Variants in PPCDC observed in about 807,000 individuals in gnomAD.
The protein encoded by PPCDC is phosphopantothenoylcysteine decarboxylase.
Under a neutral mutation model 20.7 loss-of-function variants are expected in PPCDC, and 20 were observed. That is an observed-to-expected ratio of 0.97 (90% confidence interval 0.68 to 1.41). The LOEUF (loss-of-function observed/expected upper bound fraction) is 1.41. Ranked by LOEUF, PPCDC falls within the 40% of genes most tolerant of loss-of-function variation. PPCDC has a pLI of 0.00. For synonymous variants in PPCDC, 88 were observed against 100.3 expected (o/e 0.88, Z 0.73); for missense variants, 246 against 263.8 (o/e 0.93, Z 0.47).
Position 75,028,234 on chromosome 15 carries a change from G to C in PPCDC, c.-72-13G>C, listed in dbSNP as rs1053710479. 4.5e-6 allele frequency: 7 copies of C among 1,540,384 alleles called. No homozygotes were observed. Among genetic ancestry groups the C allele is most frequent in the Non-Finnish European group, 6.1e-6 (7 of 1,140,622 alleles). The stretch of plus-strand genomic sequence containing the variant: ...TGTATGAATGAAGGGGGTGGCCCTT[G>C]TTCTCCTTTTAGATCCTAAATCCCG... On this transcript the variant is annotated splice_polypyrimidine_tract_variant and intron_variant, in intron 1 of 5. Coordinates refer to ENST00000342932, the MANE Select transcript of PPCDC (RefSeq NM_021823.5).
intron 2 of PPCDC, among the ~76,000 whole-genome samples, chr15:75,032,732 C>CTCA (rs988445597): frequency 9.8e-5 from 13 of 132,102 alleles, no homozygotes; most frequent in Admixed American, 9.6e-4. Context: ...GGACCCCCCC[C>CTCA]CCCAAGGCCA....
In PPCDC at chr15:75,028,230, C is replaced by T. The variant is rs998928807; in HGVS notation, c.-72-17C>T. 7.9e-6 allele frequency: 12 copies of T among 1,525,092 alleles called. No homozygotes were observed. The highest frequency in any genetic ancestry group is 4.5e-5 in the East Asian group (2 of 44,186). The allele number at this position is 1,525,092 out of a possible 1,614,324, so 94.5% of individuals were successfully genotyped here. Reference sequence around the variant, plus strand: ...CGACTGTATGAATGAAGGGGGTGGCCCTTGTTCTCCTTTTAGATCCTAAAT... The same window carrying T: ...CGACTGTATGAATGAAGGGGGTGGCTCTTGTTCTCCTTTTAGATCCTAAAT... On this transcript the variant is annotated splice_polypyrimidine_tract_variant and intron_variant, in intron 1 of 5. Transcript: ENST00000342932.
chr15:75,040,167 C>T (rs527768516), intron 2 of PPCDC, among the ~76,000 whole-genome samples: 1 of 152,302 alleles, frequency 6.6e-6, no homozygotes, highest in South Asian at 2.1e-4. Context: ...ACTGCAGCCT[C>T]GACTTCCTGG....
intron 2 of PPCDC, among the ~76,000 whole-genome samples, chr15:75,037,279 G>A (rs1483107949): frequency 6.6e-6 from 1 of 152,176 alleles, no homozygotes; most frequent in African/African-American, 2.4e-5. Context: ...TAAGTGGAAG[G>A]GAGGACATGT....
intron 2 of PPCDC, among the ~76,000 whole-genome samples, chr15:75,029,814 A>T (rs1334627629): frequency 1.3e-5 from 2 of 152,006 alleles, no homozygotes; most frequent in Non-Finnish European, 2.9e-5. Context: ...GGAGCCATGC[A>T]GTTCCCTTTT....
chr15:75,024,950 GTCTC>G (rs758691079), intron 1 of PPCDC, among the ~76,000 whole-genome samples: 9 of 149,706 alleles, frequency 6.0e-5, no homozygotes, highest in Non-Finnish European at 1.2e-4. Context: ...TTTTGAAATG[GTCTC>G]TCTCTGTCAC....
In PPCDC at chr15:75,024,287, G is replaced by A. The variant is rs182604350; in HGVS notation, c.-73+661G>A. Among the ~76,000 whole-genome samples, 604 of 152,258 alleles carry A rather than the reference G, an allele frequency of 4.0e-3. 2 individuals carry two copies. The highest frequency in any genetic ancestry group is 6.0e-3 in the Non-Finnish European group (407 of 68,014). ...ATTCGCAGTCACTGCCTTTCTAGTA[G>A]CCCACGTGTGTGAGTGTGTGTGTTA... On this transcript the variant is annotated intron_variant, in intron 1 of 5. Coordinates refer to ENST00000342932, the MANE Select transcript of PPCDC (RefSeq NM_021823.5).
intron 2 of PPCDC, among the ~76,000 whole-genome samples, chr15:75,038,678 G>A (rs2066114139): frequency 6.6e-6 from 1 of 152,114 alleles, no homozygotes; most frequent in South Asian, 2.1e-4. Flanking sequence ...TGCCTTCTCC[G>A]ACCCCTGGAG....
intron 2 of PPCDC, among the ~76,000 whole-genome samples, chr15:75,033,520 TTTG>T (rs1337032502): frequency 3.3e-5 from 5 of 151,794 alleles, no homozygotes; most frequent in Non-Finnish European, 7.4e-5. Flanking sequence ...TGTGTGTTTT[TTTG>T]TTTGTTTGTT....
At chr15:75,033,102 C>T (rs2066043390) in intron 2 of PPCDC, among the ~76,000 whole-genome samples, 2 of 152,078 alleles carry the variant, frequency 1.3e-5, no homozygotes, top group Non-Finnish European at 2.9e-5. Context: ...TGTGCCTGGC[C>T]TGATTTTTAC....
At chr15:75,032,732 C>CCCCCT (rs1555413321) in intron 2 of PPCDC, among the ~76,000 whole-genome samples, 1 of 132,102 alleles carries the variant, frequency 7.6e-6, no homozygotes, top group Non-Finnish European at 1.6e-5. Flanking sequence ...GGACCCCCCC[C>CCCCCT]CCCAAGGCCA....
intron 4 of PPCDC, among the ~76,000 whole-genome samples, chr15:75,048,314 G>A (rs1417509377): frequency 6.6e-6 from 1 of 152,196 alleles, no homozygotes; most frequent in Admixed American, 6.5e-5. Flanking sequence ...CCTGCTGGAG[G>A]TCTGAGCGTT....
At chr15:75,048,402 C>A (rs1252035242) in intron 4 of PPCDC, 151 bp from the exon 5 acceptor site, 1 of 1,022,870 alleles carries the variant, frequency 9.8e-7, no homozygotes. Flanking sequence ...ACATAGCCCC[C>A]ACCCCTGAGG....
At chr15:75,032,726 C>CA (rs1287413467) in intron 2 of PPCDC, among the ~76,000 whole-genome samples, 1 of 117,752 alleles carries the variant, frequency 8.5e-6, no homozygotes, top group Non-Finnish European at 1.7e-5. Flanking sequence ...CAAACTGGAC[C>CA]CCCCCCCCCA....
chr15:75,043,555 G>A lies in PPCDC; in HGVS notation c.231+19G>A. On this transcript the variant is annotated intron_variant, in intron 3 of 5. Transcript: ENST00000342932. ...ATGGGAGGTCAGTGCTGGGGCCCCTGGGCTGAGTTCCATTGAGTTTCCACC... is the reference window on the plus strand; with the variant it reads ...ATGGGAGGTCAGTGCTGGGGCCCCTAGGCTGAGTTCCATTGAGTTTCCACC... 1 of 1,579,104 alleles carries A rather than the reference G, an allele frequency of 6.3e-7. No individual in the cohort carries two copies. Among genetic ancestry groups the A allele is most frequent in the Non-Finnish European group, 8.7e-7 (1 of 1,155,862 alleles).
chr15:75,024,552 A>G (rs887038918), intron 1 of PPCDC, among the ~76,000 whole-genome samples: 2 of 152,042 alleles, frequency 1.3e-5, no homozygotes, highest in Admixed American at 1.3e-4. Flanking sequence ...ACAGGGTCTC[A>G]CCATGTTGCC....
At chr15:75,036,160 G>A (rs748948427) in intron 2 of PPCDC, among the ~76,000 whole-genome samples, 5 of 152,104 alleles carry the variant, frequency 3.3e-5, no homozygotes, top group Non-Finnish European at 7.3e-5. Context: ...TTTCTGCCCT[G>A]CCAGGGCTCC....
At chr15:75,043,320 C>T in intron 2 of PPCDC, 121 bp from the exon 3 acceptor site, 1 of 774,852 alleles carries the variant, frequency 1.3e-6, no homozygotes, top group Non-Finnish European at 2.1e-6. Context: ...GGGAAGTCCT[C>T]TCTCAAGCCA....
chr15:75,025,017 A>G (rs1178268236), intron 1 of PPCDC, among the ~76,000 whole-genome samples: 1 of 152,026 alleles, frequency 6.6e-6, no homozygotes. Context: ...TTCTAGGCTC[A>G]AGCGATCCTC....
Sources: allele counts gnomAD v4.1 joint callset (sites outside exome capture counted in the v4.1 genomes callset), GRCh38; gene constraint gnomAD v4.1.1; transcripts MANE v1.5; gene names NCBI Gene and HGNC (gene_info 2026-07-23, HGNC 2026-07-21).